The following CES3 variants were observed in gnomAD, a reference collection of about 807,000 sequenced individuals.
CES3 encodes the protein carboxylesterase 3 (brain).
CES3 carries 49 observed loss-of-function variants against 57.6 expected under a neutral mutation model. The ratio of observed to expected loss-of-function variants is 0.85; its 90% CI spans 0.68 to 1.08. The LOEUF (loss-of-function observed/expected upper bound fraction) is 1.08, where lower values mean the gene tolerates loss of function less well. Ranked by LOEUF, CES3 falls within the 50% of genes least tolerant of loss-of-function variation. The probability of loss-of-function intolerance (pLI) is 0.00; values close to 1 mark genes in which losing one functional copy is unlikely to be tolerated. For synonymous variants in CES3, 266 were observed against 281.6 expected (o/e 0.94, Z 0.55); for missense variants, 645 against 742.0 (o/e 0.87, Z 1.52).
chr16:66,964,072 A>AC (rs981859834), intron 4 of CES3, 137 bp downstream of exon 4: 3 of 1,322,338 alleles, frequency 2.3e-6, no homozygotes, highest in South Asian at 2.9e-5. Flanking sequence ...AGAGAAGGGC[A>AC]CCCCCCAAGC....
Position 66,975,026 on chromosome 16 carries a change from TG to T in CES3, c.*1981del, listed in dbSNP as rs1963916636. The T allele has an allele frequency of 6.6e-6, 1 of 152,134 alleles. No individual in the cohort carries two copies. The highest frequency in any genetic ancestry group is 6.6e-5 in the Admixed American group (1 of 15,256). The allele number at this position is 152,134 out of a possible 1,614,324, so 9.4% of individuals were successfully genotyped here. A position where few individuals can be genotyped will look rare whatever the true frequency, so the allele number is the denominator to read the frequency against. ...AATGGACCAATCAGCAGGATGTGGG[TG>T]GGGCGAGACAAGAGAATAAAAGCAG... On this transcript the variant is annotated 3_prime_UTR_variant, in exon 13 of 13. Coordinates refer to ENST00000303334, the MANE Select transcript of CES3 (RefSeq NM_024922.6).
At chr16:66,969,928 T>G (rs754111348) in intron 9 of CES3, among the ~76,000 whole-genome samples, 169 bp downstream of exon 9, 3 of 152,090 alleles carry the variant, frequency 2.0e-5, no homozygotes, top group Non-Finnish European at 4.4e-5. Context: ...CGGAATCTCC[T>G]TAGATATGAG....
rs764324939 is a variant in CES3, at chr16:66,972,859, C to G, written c.1526C>G (p.Pro509Arg). The stretch of plus-strand genomic sequence containing the variant: ...CATTCATTCCTCCCACCCAGGGACC[C>G]CAATAGCAAGGCTCTGCCTCCTTGG... ...QWTHFARTGD[P>R]NSKALPPWPQ... The change falls in exon 13 of 13, where the codon CCC becomes CGC. Residue 509 changes from proline to arginine, a missense_variant. Coordinates refer to ENST00000303334, the MANE Select transcript of CES3 (RefSeq NM_024922.6). 1.9e-6 allele frequency: 3 copies of G among 1,614,096 alleles called. No homozygotes were observed. The Admixed American group carries it at 5.0e-5, about 27-fold the overall frequency.
rs1963693336 is a variant in CES3 at position 66,963,999 on chromosome 16, C to T, written c.560+64C>T. The T allele has an allele frequency of 6.3e-7, 1 of 1,586,578 alleles. No homozygotes were observed. Among genetic ancestry groups the T allele is most frequent in the Non-Finnish European group, 8.6e-7 (1 of 1,159,842 alleles). ...GGGAGAGGCCAGCTCACCAGAGCAA[C>T]TGGGGATCTAGGTTGGGGTCCGGAA... On this transcript the variant is annotated intron_variant, in intron 4 of 12. Transcript: ENST00000303334. The surrounding 1 kb of genome is among the most constrained non-coding windows in gnomAD (Gnocchi z 4.9).
chr16:66,965,643 C>G (rs58425602), intron 6 of CES3, among the ~76,000 whole-genome samples: 1,600 of 152,326 alleles, frequency 0.011, 30 homozygotes, highest in African/African-American at 0.037. Context: ...GAGATTTTCT[C>G]AACCACAGAC....
intron 8 of CES3, among the ~76,000 whole-genome samples, chr16:66,968,520 G>A (rs1238874542): frequency 6.6e-6 from 1 of 152,192 alleles, no homozygotes; most frequent in Non-Finnish European, 1.5e-5. Context: ...ATGTCTTCAT[G>A]TCCATGGCTT....
intron 8 of CES3, 43 bp from the exon 9 acceptor site, chr16:66,969,636 C>T: frequency 2.5e-6 from 4 of 1,580,100 alleles, no homozygotes; most frequent in Non-Finnish European, 3.5e-6. Context: ...TCGGGGTGAG[C>T]CGGTGGTCAG....
rs967036955 is a variant in CES3, at chr16:66,961,334, C to T, written c.27C>T (p.Ser9=). 5 of 1,613,650 alleles carry T rather than the reference C, an allele frequency of 3.1e-6. No individual in the cohort carries two copies. The East Asian group carries it at 8.9e-5, about 29-fold the overall frequency. MERAVRVE[S]GVLVGVVCLL... is the part of the protein sequence containing the mutation. ...TGGAGAGAGCAGTGAGAGTGGAGTC[C>T]GGGGTCCTGGTCGGGGTGGTCTGTC... The change falls in exon 1 of 13, where the codon TCC becomes TCT. Residue 9 remains serine, a synonymous_variant. Coordinates refer to ENST00000303334, the MANE Select transcript of CES3 (RefSeq NM_024922.6).
At chr16:66,967,696 T>TG in intron 8 of CES3, 1 of 985,320 alleles carries the variant, frequency 1.0e-6, no homozygotes, top group Non-Finnish European at 1.2e-6. Flanking sequence ...TTTTTTTTTT[T>TG]TTTTCGTCTT....
chr16:66,961,625 G>A (rs1181020597), intron 1 of CES3, among the ~76,000 whole-genome samples: 2 of 152,092 alleles, frequency 1.3e-5, no homozygotes, highest in Non-Finnish European at 2.9e-5. Flanking sequence ...GTGCAATGGC[G>A]CGATCTCGGC....
At chr16:66,972,633 A>G in intron 11 of CES3, 35 bp from the exon 12 acceptor site, 1 of 1,613,688 alleles carries the variant, frequency 6.2e-7, no homozygotes, top group Non-Finnish European at 8.5e-7. Context: ...GTCCCACCTG[A>G]CTCTCGTTCA....
chr16:66,967,892 G>A, intron 8 of CES3: 1 of 400,796 alleles, frequency 2.5e-6, no homozygotes, highest in Non-Finnish European at 3.4e-6. Context: ...GAGTAGCTCG[G>A]GCCTCAGGTC....
rs1042790832 is a variant in CES3 at position 66,961,534 on chromosome 16, G to A, written c.82+145G>A. ...GGTTGTGCATTCTCTCTGGGCAGGC[G>A]CTCTGCTCTTGCTGTATTTGTTTCG... On this transcript the variant is annotated intron_variant, in intron 1 of 12. Coordinates refer to ENST00000303334, the MANE Select transcript of CES3 (RefSeq NM_024922.6). The A allele has an allele frequency of 2.0e-5, 13 of 655,898 alleles. No individual in the cohort carries two copies. The Admixed American group carries it at 2.7e-4, about 14-fold the overall frequency. The allele number at this position is 655,898 out of a possible 1,614,324, so 40.6% of individuals were successfully genotyped here.
intron 8 of CES3, among the ~76,000 whole-genome samples, chr16:66,967,220 T>C (rs1475547181): frequency 6.6e-6 from 1 of 152,166 alleles, no homozygotes; most frequent in Non-Finnish European, 1.5e-5. Context: ...GCAGCTGGGA[T>C]TACAGGCACA....
rs986085419 is a variant in CES3 at position 66,967,907 on chromosome 16, C to CCACCA, written c.1062+1043_1062+1047dup. On this transcript the variant is annotated intron_variant, in intron 8 of 12. Coordinates refer to ENST00000303334, the MANE Select transcript of CES3 (RefSeq NM_024922.6). ...GAGTAGCTCGGGCCTCAGGTCTGTG[C>CCACCA]CACCATACTCTGCTAACTTTTTTTT... 2.4e-5 allele frequency: 7 copies of CCACCA among 291,096 alleles called. No individual in the cohort carries two copies. The Admixed American group carries it at 3.9e-4, about 16-fold the overall frequency. The allele number at this position is 291,096 out of a possible 1,614,324, so 18.0% of individuals were successfully genotyped here. A position where few individuals can be genotyped will look rare whatever the true frequency, so the allele number is the denominator to read the frequency against.
chr16:66,968,179 G>A (rs1963767640), intron 8 of CES3, among the ~76,000 whole-genome samples: 1 of 152,118 alleles, frequency 6.6e-6, no homozygotes, highest in African/African-American at 2.4e-5. Context: ...TTGTTTTTGA[G>A]ATGGAGTTTT....
In CES3 at chr16:66,971,156, T is replaced by C. The variant is rs1963824785; in HGVS notation, c.1144-16T>C. On this transcript the variant is annotated splice_polypyrimidine_tract_variant and intron_variant, in intron 9 of 12. Transcript: ENST00000303334. ...TGTGCACCCTGAGCAGGGCTGAGCC[T>C]GGCCTCTTGCCCCAGGATGTGCCCC... The C allele has an allele frequency of 6.2e-7, 1 of 1,609,136 alleles. No homozygotes were observed. The highest frequency in any genetic ancestry group is 8.5e-7 in the Non-Finnish European group (1 of 1,177,156).
At chr16:66,961,478 A>G in intron 1 of CES3, 89 bp downstream of exon 1, 1 of 1,024,622 alleles carries the variant, frequency 9.8e-7, no homozygotes, top group South Asian at 1.4e-5. Flanking sequence ...CCGACCGCTC[A>G]GGAAACAGTC....
chr16:66,962,336 A>G (rs1963662615), intron 1 of CES3, among the ~76,000 whole-genome samples: 1 of 152,224 alleles, frequency 6.6e-6, no homozygotes, highest in South Asian at 2.1e-4. Flanking sequence ...ATCTCTAGGA[A>G]TTGTCTAGCC....
Sources: gnomAD v4.1 joint callset for allele counts (sites outside exome capture counted in the v4.1 genomes callset) on GRCh38, gnomAD v4.1.1 for gene constraint, Gnocchi (gnomAD v3.1) non-coding constraint, MANE v1.5 for transcripts, NCBI Gene and HGNC (gene_info 2026-07-23, HGNC 2026-07-21) for gene names.